Variants in EEF2 observed in about 807,000 individuals in gnomAD.
EEF2 encodes eukaryotic translation elongation factor 2, also known as elongation factor 2.
In EEF2, 21 loss-of-function variants were observed where a neutral mutation model predicts 85.3. The observed-to-expected ratio is 0.25, with a 90% CI of 0.17 to 0.35. The LOEUF is 0.35. Among genes scored for constraint, EEF2 ranks in the 10% least tolerant of loss-of-function variants. The pLI, the probability that EEF2 is intolerant of heterozygous loss-of-function variation, is 1.00. For synonymous variants in EEF2, 723 were observed against 508.8 expected (o/e 1.42, Z -5.67); for missense variants, 825 against 1,225.3 (o/e 0.67, Z 4.88).
At chr19:3,976,823 A>G in intron 14 of EEF2, 76 bp from the exon 15 acceptor site, 1 of 1,403,760 alleles carries the variant, frequency 7.1e-7, no homozygotes, top group East Asian at 2.5e-5. Context: ...TCAGGAGCTC[A>G]GGCTAGTTCC....
At chr19:3,984,846 C>T (rs1239168364) in intron 1 of EEF2, 1 of 175,944 alleles carries the variant, frequency 5.7e-6, no homozygotes, top group Non-Finnish European at 1.2e-5. Flanking sequence ...GCCTACACCT[C>T]GTGTCTCAAT....
At position 3,981,484 on chromosome 19, in the gene EEF2, A is replaced by T. The variant is rs763305880; in HGVS notation, c.898-32T>A. 2.5e-6 allele frequency: 4 copies of T among 1,595,022 alleles called. No individual in the cohort carries two copies. In the African/African-American group the frequency reaches 4.0e-5, roughly 16 times the overall value. Reference sequence around the variant, plus strand: ...TCCCCACCAAGAAACAAGAAAGCCCATTTGGGAACAGCAGGAGGAAGCCTG... The same window carrying T: ...TCCCCACCAAGAAACAAGAAAGCCCTTTTGGGAACAGCAGGAGGAAGCCTG... On this transcript the variant is annotated intron_variant, in intron 6 of 14. Coordinates refer to ENST00000309311, the MANE Select transcript of EEF2 (RefSeq NM_001961.4).
At chr19:3,981,203 C>A in intron 7 of EEF2, 136 bp downstream of exon 7, 1 of 1,065,436 alleles carries the variant, frequency 9.4e-7, no homozygotes, top group East Asian at 2.5e-5. Flanking sequence ...TCCAGCAGCA[C>A]CCAGAGTCTA....
chr19:3,982,555 TG>T, intron 4 of EEF2, 131 bp from the exon 5 acceptor site: 1 of 1,284,060 alleles, frequency 7.8e-7, no homozygotes, highest in Non-Finnish European at 1.1e-6. Context: ...AGTGAAGAAA[TG>T]ATCAGTCATC....
In EEF2 at chr19:3,977,170, A is replaced by C. The variant is rs774021948; in HGVS notation, c.2383+45T>G. The C allele has an allele frequency of 1.3e-6, 2 of 1,598,474 alleles. No individual in the cohort carries two copies. Among genetic ancestry groups the C allele is most frequent in the Non-Finnish European group, 8.5e-7 (1 of 1,170,594 alleles). On this transcript the variant is annotated intron_variant, in intron 14 of 14. Coordinates refer to ENST00000309311, the MANE Select transcript of EEF2 (RefSeq NM_001961.4). This position sits in a 1 kb window ranked among gnomAD's most constrained non-coding sequence, Gnocchi z 5.4. Reference sequence around the variant, plus strand: ...AGCTTAACTGGGCTTCTGTCCCCCAAACCAGCCTGCCAGGCTCTGCAGGCC... The same window carrying C: ...AGCTTAACTGGGCTTCTGTCCCCCACACCAGCCTGCCAGGCTCTGCAGGCC...
At chr19:3,984,548 G>C (rs780953409) in intron 1 of EEF2, among the ~76,000 whole-genome samples, 198 bp from the exon 2 acceptor site, 1 of 152,168 alleles carries the variant, frequency 6.6e-6, no homozygotes, top group Non-Finnish European at 1.5e-5. Context: ...CCGTTAATAG[G>C]TGTCATTCAT....
Position 3,980,823 on chromosome 19 carries a change from GCCA to G in EEF2, c.1150+15_1150+17del, listed in dbSNP as rs1568200678. ...TCATCCGGCTGCATCTCAGGGCCCG[GCCA>G]CCGGGACCACGTACCCATGGCAGCC... On this transcript the variant is annotated intron_variant, in intron 8 of 14. Coordinates refer to ENST00000309311, the MANE Select transcript of EEF2 (RefSeq NM_001961.4). The G allele has an allele frequency of 6.3e-7, 1 of 1,575,742 alleles. No individual in the cohort carries two copies. The highest frequency in any genetic ancestry group is 1.8e-5 in the Admixed American group (1 of 54,110).
At chr19:3,984,437 G>T in intron 1 of EEF2, 87 bp from the exon 2 acceptor site, 1 of 1,434,020 alleles carries the variant, frequency 7.0e-7, no homozygotes, top group Non-Finnish European at 9.7e-7. Flanking sequence ...GAACCAGCAT[G>T]CCCAAGGCCA....
rs2230562 is a variant in EEF2, at chr19:3,982,933, G to A, written c.486C>T (p.Arg162=). ...GCTCCAGCTGCAGCTCCAGCAGGGC[G>A]CGGTCCATCTTGTTCATCATCAGCA... ...KPVLMMNKMD[R]ALLELQLEPE... is the part of the protein sequence containing the mutation. Residue 162 remains arginine (R), a synonymous_variant, in exon 4 of 15, where the codon CGC becomes CGT. Transcript: ENST00000309311. 915 of 1,613,394 alleles carry A rather than the reference G, an allele frequency of 5.7e-4. 9 individuals carry two copies. In the East Asian group the frequency reaches 0.016, roughly 27 times the overall value.
rs950054601 is a variant in EEF2, at chr19:3,981,220, A to G, written c.1011+119T>C. On this transcript the variant is annotated intron_variant, in intron 7 of 14. Transcript: ENST00000309311. ...CAGCAGCACCCAGAGTCTAAAGCGAAAGGGGCAGCAGCTGTCCCTGCCCAG... is the reference window on the plus strand; with the variant it reads ...CAGCAGCACCCAGAGTCTAAAGCGAGAGGGGCAGCAGCTGTCCCTGCCCAG... The G allele has an allele frequency of 4.4e-6, 5 of 1,129,238 alleles. No individual in the cohort carries two copies. The African/African-American group carries it at 6.2e-5, about 14-fold the overall frequency. 70.0% of individuals were successfully genotyped at this position (1,129,238 alleles called of 1,614,324 possible).
chr19:3,982,698 A>C (rs541046049), intron 4 of EEF2, 109 bp downstream of exon 4: 1 of 1,298,044 alleles, frequency 7.7e-7, no homozygotes. Flanking sequence ...GTCACCCAAC[A>C]TTCCTGGCAA....
At chr19:3,980,278 G>A (rs771877295) in intron 9 of EEF2, among the ~76,000 whole-genome samples, 39 of 152,330 alleles carry the variant, frequency 2.6e-4, no homozygotes, top group Admixed American at 5.2e-4. Context: ...GTCGACGGCC[G>A]CCACCCACCT....
chr19:3,985,006 C>A (rs566929619), intron 1 of EEF2: 55 of 290,370 alleles, frequency 1.9e-4, no homozygotes, highest in African/African-American at 1.1e-3. Context: ...CCTAGTCCCC[C>A]GGCAGAAAAT....
chr19:3,976,317 G>GTGGTC lies in EEF2; in HGVS notation c.*236_*237insGACCA. 1 of 209,880 alleles carries GTGGTC rather than the reference G, an allele frequency of 4.8e-6. No homozygotes were observed. The highest frequency in any genetic ancestry group is 4.8e-5 in the South Asian group (1 of 21,032). The allele number at this position is 209,880 out of a possible 1,614,324, so 13.0% of individuals were successfully genotyped here. ...CCATCCCGCCTCCCCCTCCCCGACCGGCCCATTAAGTCCCTACTAAGAGGG... is the reference window on the plus strand; with the variant it reads ...CCATCCCGCCTCCCCCTCCCCGACCGTGGTCGCCCATTAAGTCCCTACTAAGAGGG... On this transcript the variant is annotated 3_prime_UTR_variant, in exon 15 of 15. Transcript: ENST00000309311.
intron 4 of EEF2, 124 bp from the exon 5 acceptor site, chr19:3,982,548 G>A (rs370105452): frequency 2.2e-4 from 294 of 1,320,292 alleles, no homozygotes; most frequent in Middle Eastern, 5.4e-4. Flanking sequence ...TGGTCAAAGT[G>A]AAGAAATGAT....
Position 3,977,803 on chromosome 19 carries a change from C to A in EEF2, c.2067+16G>T. 2 of 1,566,188 alleles carry A rather than the reference C, an allele frequency of 1.3e-6. No individual in the cohort carries two copies. Among genetic ancestry groups the A allele is most frequent in the Non-Finnish European group, 1.7e-6 (2 of 1,151,274 alleles). On this transcript the variant is annotated intron_variant, in intron 12 of 14. Transcript: ENST00000309311. The surrounding 1 kb of genome is among the most constrained non-coding windows in gnomAD (Gnocchi z 5.4). Reference sequence around the variant, plus strand: ...TGGAAACGGGTGTGGTCTGCACATGCTGAGCCGTGCCTCACCTCCTTGGTG... The same window carrying A: ...TGGAAACGGGTGTGGTCTGCACATGATGAGCCGTGCCTCACCTCCTTGGTG...
rs1163921135 is a variant in EEF2 at position 3,978,128 on chromosome 19, C to T, written c.1758G>A (p.Glu586=). The stretch of plus-strand genomic sequence containing the variant: ...ACTTGGAGAGGCAGAGCACGTTCGA[C>T]TCTTCACTGACCGTCTCGCGGTACG... ...VVSYRETVSE[E]SNVLCLSKSP... The change falls in exon 12 of 15, where the codon GAG becomes GAA. Residue 586 remains glutamate (E), a synonymous_variant. Coordinates refer to ENST00000309311, the MANE Select transcript of EEF2 (RefSeq NM_001961.4). 1 of 1,491,528 alleles carries T rather than the reference C, an allele frequency of 6.7e-7. No individual in the cohort carries two copies. Among genetic ancestry groups the T allele is most frequent in the South Asian group, 1.3e-5 (1 of 74,374 alleles). 92.4% of individuals were successfully genotyped at this position (1,491,528 alleles called of 1,614,324 possible). A position where few individuals can be genotyped will look rare whatever the true frequency, so the allele number is the denominator to read the frequency against.
At position 3,977,168 on chromosome 19, in the gene EEF2, C is replaced by A; in HGVS notation, c.2383+47G>T. The A allele has an allele frequency of 1.3e-6, 2 of 1,597,104 alleles. No individual in the cohort carries two copies. Among genetic ancestry groups the A allele is most frequent in the South Asian group, 1.1e-5 (1 of 89,684 alleles). On this transcript the variant is annotated intron_variant, in intron 14 of 14. Coordinates refer to ENST00000309311, the MANE Select transcript of EEF2 (RefSeq NM_001961.4). The surrounding 1 kb of genome is among the most constrained non-coding windows in gnomAD (Gnocchi z 5.4). ...TAAGCTTAACTGGGCTTCTGTCCCC[C>A]AAACCAGCCTGCCAGGCTCTGCAGG...
Position 3,977,123 on chromosome 19 carries a change from C to G in EEF2, c.2383+92G>C. 6.5e-7 allele frequency: 1 copy of G among 1,531,570 alleles called. No individual in the cohort carries two copies. Among genetic ancestry groups the G allele is most frequent in the Non-Finnish European group, 8.8e-7 (1 of 1,135,144 alleles). The allele number at this position is 1,531,570 out of a possible 1,614,324, so 94.9% of individuals were successfully genotyped here. On this transcript the variant is annotated intron_variant, in intron 14 of 14. Coordinates refer to ENST00000309311, the MANE Select transcript of EEF2 (RefSeq NM_001961.4). The surrounding 1 kb of genome is among the most constrained non-coding windows in gnomAD (Gnocchi z 5.4). ...CATCCATCACCTGCTCCCATCAGGA[C>G]GCCTCCTTTAACACCTTGCTAAGCT...
Sources: gnomAD v4.1 joint callset for allele counts (sites outside exome capture counted in the v4.1 genomes callset) on GRCh38, gnomAD v4.1.1 for gene constraint, Gnocchi (gnomAD v3.1) non-coding constraint, MANE v1.5 for transcripts, NCBI Gene and HGNC (gene_info 2026-07-23, HGNC 2026-07-21) for gene names.